LRRC39: variants seen among roughly 807,000 people sequenced by gnomAD.
LRRC39 encodes the protein leucine rich repeat containing 39.
A neutral mutation model predicts 39.7 loss-of-function variants in LRRC39; 35 were observed. That is an observed-to-expected ratio of 0.88 (90% CI 0.67 to 1.17). The LOEUF (loss-of-function observed/expected upper bound fraction) is 1.17, where lower values mean the gene tolerates loss of function less well. Among genes scored for constraint, LRRC39 ranks in the 50% most tolerant of loss-of-function variants. The probability of loss-of-function intolerance (pLI) is 0.00; values close to 1 mark genes in which losing one functional copy is unlikely to be tolerated. For synonymous variants in LRRC39, 113 were observed against 134.1 expected (o/e 0.84, Z 1.09); for missense variants, 357 against 385.8 (o/e 0.93, Z 0.62).
chr1:100,169,052 C>A (rs1659428249), intron 2 of LRRC39, among the ~76,000 whole-genome samples: 2 of 151,684 alleles, frequency 1.3e-5, no homozygotes, highest in Admixed American at 6.6e-5. Context: ...AAATAAATTG[C>A]AAATGGATGA....
At position 100,148,738 on chromosome 1, in the gene LRRC39, A is replaced by G; in HGVS notation, c.*304T>C. 3.8e-6 allele frequency: 6 copies of G among 1,599,560 alleles called. No homozygotes were observed. Among genetic ancestry groups the G allele is most frequent in the South Asian group, 1.1e-5 (1 of 88,054 alleles). The stretch of plus-strand genomic sequence containing the variant: ...GGATTCAGTCCTGCTTTGCAGTACT[A>G]TACAGACCCTCTGGTGTCTTTGGAA... On this transcript the variant is annotated 3_prime_UTR_variant, in exon 10 of 10. Transcript: ENST00000370137.
chr1:100,162,651 AGAAAG>A (rs1323999438), intron 3 of LRRC39, among the ~76,000 whole-genome samples: 1 of 152,126 alleles, frequency 6.6e-6, no homozygotes, highest in African/African-American at 2.4e-5. Context: ...AAAAAAAAAA[AGAAAG>A]AAAAGAAACT....
intron 2 of LRRC39, among the ~76,000 whole-genome samples, chr1:100,169,517 G>A (rs56048691): frequency 0.03 from 4,601 of 151,960 alleles, 174 homozygotes; most frequent in African/African-American, 0.083. Context: ...GAAGTTATTC[G>A]CAGTGTTTTT....
At chr1:100,153,597 A>C (rs1658224212) in intron 8 of LRRC39, among the ~76,000 whole-genome samples, 1 of 152,176 alleles carries the variant, frequency 6.6e-6, no homozygotes, top group Non-Finnish European at 1.5e-5. Flanking sequence ...AACAAGAAAA[A>C]AACCAACCCC....
chr1:100,157,422 A>C (rs1658544641), intron 6 of LRRC39, among the ~76,000 whole-genome samples: 1 of 152,188 alleles, frequency 6.6e-6, no homozygotes, highest in Admixed American at 6.5e-5. Flanking sequence ...CGTGAAACTG[A>C]GTCCATTAAA....
chr1:100,175,367 T>C (rs1659890209), intron 1 of LRRC39, among the ~76,000 whole-genome samples: 1 of 151,064 alleles, frequency 6.6e-6, no homozygotes, highest in African/African-American at 2.4e-5. Context: ...TTTTTTTTTT[T>C]GGTAGTGACA....
At chr1:100,163,108 TA>T (rs1229700534) in intron 3 of LRRC39, among the ~76,000 whole-genome samples, 7 of 152,204 alleles carry the variant, frequency 4.6e-5, no homozygotes, top group Admixed American at 2.6e-4. Context: ...AAGCTTCCCA[TA>T]GATGTGGGTA....
intron 3 of LRRC39, among the ~76,000 whole-genome samples, chr1:100,165,110 T>C (rs1355020752): frequency 6.6e-6 from 1 of 152,220 alleles, no homozygotes; most frequent in Non-Finnish European, 1.5e-5. Context: ...ATCCAAGCTT[T>C]ATAATACTGT....
chr1:100,162,466 CCAT>C (rs144981172), intron 3 of LRRC39, among the ~76,000 whole-genome samples: 11,626 of 151,944 alleles, frequency 0.077, 578 homozygotes, highest in Middle Eastern at 0.18. Context: ...TGGTGAAACC[CCAT>C]CTCTACTAAA....
At chr1:100,171,545 T>C (rs1163167812) in intron 2 of LRRC39, among the ~76,000 whole-genome samples, 6 of 149,064 alleles carry the variant, frequency 4.0e-5, no homozygotes, top group African/African-American at 1.5e-4. Context: ...TTCTGTCCCA[T>C]AGGCTGGAGT....
intron 3 of LRRC39, among the ~76,000 whole-genome samples, chr1:100,166,859 C>T (rs183129353): frequency 6.6e-6 from 1 of 152,170 alleles, no homozygotes; most frequent in Non-Finnish European, 1.5e-5. Context: ...CTCATTCTCT[C>T]TTTGCCAGCT....
At position 100,148,689 on chromosome 1, in the gene LRRC39, C is replaced by T. The variant is rs550687411; in HGVS notation, c.*353G>A. On this transcript the variant is annotated 3_prime_UTR_variant, in exon 10 of 10. Coordinates refer to ENST00000370137, the MANE Select transcript of LRRC39 (RefSeq NM_144620.4). ...TTGTAAATTGCTGATTGACCAAGGT[C>T]GAATCCAGTATTTGCAGCAGAAGGG... 6 of 1,613,094 alleles carry T rather than the reference C, an allele frequency of 3.7e-6. No individual in the cohort carries two copies. Among genetic ancestry groups the T allele is most frequent in the South Asian group, 3.3e-5 (3 of 90,894 alleles).
chr1:100,175,350 T>G (rs992674838), intron 1 of LRRC39, among the ~76,000 whole-genome samples: 2 of 134,354 alleles, frequency 1.5e-5, no homozygotes, highest in Non-Finnish European at 3.2e-5. Flanking sequence ...AGTGTGCCAG[T>G]TTTTTTTTTT....
intron 8 of LRRC39, among the ~76,000 whole-genome samples, chr1:100,154,409 T>G (rs1432598096): frequency 6.6e-6 from 1 of 152,202 alleles, no homozygotes; most frequent in East Asian, 1.9e-4. Flanking sequence ...GCTGTAAATA[T>G]TTTATCTTAC....
At chr1:100,153,362 C>T (rs540189766) in intron 8 of LRRC39, among the ~76,000 whole-genome samples, 4 of 152,140 alleles carry the variant, frequency 2.6e-5, no homozygotes, top group African/African-American at 9.6e-5. Flanking sequence ...AGAAGAAATC[C>T]TAGGAAAAAC....
intron 8 of LRRC39, among the ~76,000 whole-genome samples, chr1:100,153,513 C>G (rs1181603576): frequency 6.6e-6 from 1 of 151,988 alleles, no homozygotes; most frequent in Non-Finnish European, 1.5e-5. Context: ...AATAGACAAC[C>G]TATAGAATGG....
intron 1 of LRRC39, among the ~76,000 whole-genome samples, chr1:100,174,323 G>T (rs1659826559): frequency 6.6e-6 from 1 of 151,266 alleles, no homozygotes. Flanking sequence ...TTTTAGACAG[G>T]GTCTGGTTCT....
chr1:100,149,352 A>G, intron 9 of LRRC39: 1 of 1,543,536 alleles, frequency 6.5e-7, no homozygotes, highest in Non-Finnish European at 8.7e-7. Context: ...AACACAATTA[A>G]TTAATGAAGT....
intron 9 of LRRC39, chr1:100,150,641 A>G (rs112857106): frequency 1.3e-5 from 2 of 152,326 alleles, no homozygotes; most frequent in African/African-American, 4.8e-5. Flanking sequence ...GTCCTTCAAC[A>G]TGCCAGCCTT....
Sources: allele counts gnomAD v4.1 joint callset (sites outside exome capture counted in the v4.1 genomes callset), GRCh38; gene constraint gnomAD v4.1.1; transcripts MANE v1.5; gene names NCBI Gene and HGNC (gene_info 2026-07-23, HGNC 2026-07-21).